The following MYO3A variants were observed in gnomAD, a reference collection of about 807,000 sequenced individuals.
The protein encoded by MYO3A is myosin-IIIa.
MYO3A carries 180 observed loss-of-function variants against 192.7 expected under a neutral mutation model. The ratio of observed to expected loss-of-function variants is 0.93; its 90% CI spans 0.83 to 1.06. The LOEUF (loss-of-function observed/expected upper bound fraction) is 1.06. Ranked by LOEUF, MYO3A falls within the 50% of genes least tolerant of loss-of-function variation. The probability of loss-of-function intolerance (pLI) is 0.00; values close to 1 mark genes in which losing one functional copy is unlikely to be tolerated. For missense variants in MYO3A, 1,896 were observed against 1,905.0 expected, an observed-to-expected ratio of 1.00 and a Z score of 0.09; for synonymous variants, 628 against 645.3, an observed-to-expected ratio of 0.97 and a Z score of 0.41.
chr10:26,152,239 C>A (rs919915261), intron 23 of MYO3A, among the ~76,000 whole-genome samples: 2 of 152,190 alleles, frequency 1.3e-5, no homozygotes, highest in South Asian at 4.1e-4. Context: ...CCCAGATGTG[C>A]AAACATGTAA....
chr10:25,998,126 A>G lies in MYO3A; in HGVS notation c.508+868A>G, dbSNP rs78372613. Among the ~76,000 whole-genome samples, 310 of 152,288 alleles carry G rather than the reference A, an allele frequency of 2.0e-3. 2 individuals carry two copies. The highest frequency in any genetic ancestry group is 3.6e-3 in the Non-Finnish European group (242 of 68,010). ...TCTTTATAGATAAAGATACTTAGAAATATAGGTGGACAGACAGAGTCTTTG... is the reference window on the plus strand; with the variant it reads ...TCTTTATAGATAAAGATACTTAGAAGTATAGGTGGACAGACAGAGTCTTTG... On this transcript the variant is annotated intron_variant, in intron 6 of 34. Coordinates refer to ENST00000642920, the MANE Select transcript of MYO3A (RefSeq NM_017433.5).
intron 4 of MYO3A, among the ~76,000 whole-genome samples, chr10:25,958,577 CT>C (rs1014542484): frequency 1.3e-5 from 2 of 151,902 alleles, no homozygotes; most frequent in Non-Finnish European, 2.9e-5. Flanking sequence ...ATTCAGGTTC[CT>C]TTTTGGTTCC....
At chr10:26,076,374 G>A (rs1835576384) in intron 14 of MYO3A, among the ~76,000 whole-genome samples, 1 of 151,968 alleles carries the variant, frequency 6.6e-6, no homozygotes, top group South Asian at 2.1e-4. Flanking sequence ...ATTTGTTTGA[G>A]TTCATTGTAG....
intron 34 of MYO3A, among the ~76,000 whole-genome samples, chr10:26,205,613 T>TC: frequency 1.2e-4 from 14 of 121,034 alleles, no homozygotes; most frequent in African/African-American, 4.3e-4. Context: ...CTTTTCTTTT[T>TC]TTTTTTTTTT....
intron 20 of MYO3A, among the ~76,000 whole-genome samples, chr10:26,139,406 A>G (rs1840028704): frequency 6.6e-6 from 1 of 151,804 alleles, no homozygotes; most frequent in Non-Finnish European, 1.5e-5. Context: ...CACTCAGCTG[A>G]TTTTGTATTT....
chr10:26,109,734 G>A (rs1838043965), intron 17 of MYO3A, among the ~76,000 whole-genome samples: 1 of 152,174 alleles, frequency 6.6e-6, no homozygotes, highest in South Asian at 2.1e-4. Context: ...GAGAAATTCA[G>A]ATTTGATGAA....
chr10:26,172,587 C>A (rs1317150867), intron 29 of MYO3A, among the ~76,000 whole-genome samples: 1 of 152,208 alleles, frequency 6.6e-6, no homozygotes, highest in Non-Finnish European at 1.5e-5. Context: ...TTAGGGACTG[C>A]ACGCTTATCT....
intron 6 of MYO3A, among the ~76,000 whole-genome samples, chr10:26,006,786 G>A (rs1383380442): frequency 1.3e-5 from 2 of 151,264 alleles, no homozygotes; most frequent in East Asian, 1.9e-4. Context: ...ATTCACAGCC[G>A]AATTCTACCA....
intron 10 of MYO3A, among the ~76,000 whole-genome samples, chr10:26,037,835 C>G (rs1019212380): frequency 6.6e-6 from 1 of 152,106 alleles, no homozygotes; most frequent in Non-Finnish European, 1.5e-5. Context: ...GGGGGAAATT[C>G]TACACACTTT....
intron 4 of MYO3A, among the ~76,000 whole-genome samples, chr10:25,979,465 A>G (rs1386944124): frequency 1.3e-5 from 2 of 151,930 alleles, no homozygotes; most frequent in East Asian, 1.9e-4. Context: ...ATAAATTTGA[A>G]TCACCCAACC....
chr10:25,990,915 T>G (rs545024154), intron 4 of MYO3A, among the ~76,000 whole-genome samples: 72 of 152,290 alleles, frequency 4.7e-4, no homozygotes, highest in African/African-American at 1.6e-3. Flanking sequence ...TCTATCATTG[T>G]TGGACATTTG....
In MYO3A at chr10:26,062,530, A is replaced by AAAAAAAAAAAAAAACAAAAAAAAACG. The variant is rs1554816581; in HGVS notation, c.954-4442_954-4441insAAAAAAAAAAACAAAAAAAAACGAAA. On this transcript the variant is annotated intron_variant, in intron 10 of 34. Coordinates refer to ENST00000642920, the MANE Select transcript of MYO3A (RefSeq NM_017433.5). ...GATGCCATCTCAAAAAAAAAAAAAA[A>AAAAAAAAAAAAAAACAAAAAAAAACG]AAATTATGGAGGAATCTAATTAAGA... 4.8e-5 allele frequency among the ~76,000 whole-genome samples: 6 copies of AAAAAAAAAAAAAAACAAAAAAAAACG among 125,942 alleles called. 1 individual carries two copies. The highest frequency in any genetic ancestry group is 2.0e-4 in the East Asian group (1 of 4,940). 82.6% of individuals were successfully genotyped at this position (125,942 alleles called of 152,430 possible).
At chr10:25,967,448 A>G (rs1440105978) in intron 4 of MYO3A, among the ~76,000 whole-genome samples, 4 of 152,242 alleles carry the variant, frequency 2.6e-5, no homozygotes, top group African/African-American at 9.6e-5. Flanking sequence ...GAAAAGTTCA[A>G]GTTGATCCAC....
At chr10:26,124,540 C>A (rs115781816) in intron 18 of MYO3A, among the ~76,000 whole-genome samples, 1 of 152,052 alleles carries the variant, frequency 6.6e-6, no homozygotes. Context: ...CGTACTTCCA[C>A]GATATGAAAA....
chr10:26,021,703 C>T (rs762481937), intron 8 of MYO3A, 55 bp downstream of exon 8: 2 of 1,599,856 alleles, frequency 1.3e-6, no homozygotes, highest in Non-Finnish European at 1.7e-6. Flanking sequence ...TTCCTCCAGC[C>T]ACCAAGTGTT....
intron 15 of MYO3A, among the ~76,000 whole-genome samples, chr10:26,091,848 A>C (rs1836720665): frequency 6.6e-6 from 1 of 152,240 alleles, no homozygotes; most frequent in Non-Finnish European, 1.5e-5. Flanking sequence ...CCATTCATGC[A>C]TCCATCCAGC....
intron 4 of MYO3A, among the ~76,000 whole-genome samples, chr10:25,992,131 T>A: frequency 6.7e-6 from 1 of 149,288 alleles, no homozygotes. Context: ...CAATATTGAT[T>A]CTTCCTACCC....
intron 2 of MYO3A, among the ~76,000 whole-genome samples, chr10:25,938,505 C>A (rs540221984): frequency 6.6e-6 from 1 of 152,132 alleles, no homozygotes; most frequent in Non-Finnish European, 1.5e-5. Flanking sequence ...TGGAGAGAGA[C>A]AAAATTCTAT....
chr10:26,083,045 A>AT (rs36051071), intron 14 of MYO3A, among the ~76,000 whole-genome samples: 7 of 151,986 alleles, frequency 4.6e-5, no homozygotes, highest in Non-Finnish European at 8.8e-5. Flanking sequence ...GCAGCATACA[A>AT]TTTTTTTTCT....
Sources: allele counts gnomAD v4.1 joint callset (sites outside exome capture counted in the v4.1 genomes callset), GRCh38; gene constraint gnomAD v4.1.1; transcripts MANE v1.5; gene names NCBI Gene and HGNC (gene_info 2026-07-23, HGNC 2026-07-21).